POGLUT1: variants seen among roughly 807,000 people sequenced by gnomAD.
POGLUT1 encodes the protein protein O-glucosyltransferase 1.
Under a neutral mutation model 61.3 loss-of-function variants are expected in POGLUT1, and 32 were observed. The observed-to-expected ratio is 0.52, with a 90% confidence interval of 0.39 to 0.70. The LOEUF (loss-of-function observed/expected upper bound fraction) is 0.70. Among genes scored for constraint, POGLUT1 ranks in the 30% least tolerant of loss-of-function variants. The probability of loss-of-function intolerance (pLI) is 0.00; values close to 1 mark genes in which losing one functional copy is unlikely to be tolerated. For missense variants in POGLUT1, 411 were observed against 469.8 expected, an observed-to-expected ratio of 0.87 and a Z score of 1.16; for synonymous variants, 158 against 158.2, an observed-to-expected ratio of 1.00 and a Z score of 0.01.
intron 3 of POGLUT1, among the ~76,000 whole-genome samples, chr3:119,475,662 A>G (rs1163400780): frequency 1.3e-5 from 2 of 152,026 alleles, no homozygotes; most frequent in Non-Finnish European, 2.9e-5. Flanking sequence ...AAAATAAAAA[A>G]ATTAGCTGGG....
At chr3:119,491,998 G>C (rs1025257367) in intron 10 of POGLUT1, among the ~76,000 whole-genome samples, 1 of 152,098 alleles carries the variant, frequency 6.6e-6, no homozygotes, top group African/African-American at 2.4e-5. Flanking sequence ...AGGTTGCAGT[G>C]AGCCAAGATC....
At chr3:119,471,080 A>G (rs1213018779) in intron 2 of POGLUT1, among the ~76,000 whole-genome samples, 2 of 152,212 alleles carry the variant, frequency 1.3e-5, no homozygotes, top group Non-Finnish European at 2.9e-5. Context: ...ATCCAGATGG[A>G]AGGAGGAAGA....
At chr3:119,476,820 T>C (rs1236259595) in intron 3 of POGLUT1, among the ~76,000 whole-genome samples, 1 of 152,224 alleles carries the variant, frequency 6.6e-6, no homozygotes, top group Non-Finnish European at 1.5e-5. Context: ...TTATTCAGGT[T>C]GAAGGTAATG....
At position 119,471,582 on chromosome 3, in the gene POGLUT1, G is replaced by A. The variant is rs528639448; in HGVS notation, c.320+130G>A. On this transcript the variant is annotated intron_variant, in intron 3 of 10. Coordinates refer to ENST00000295588, the MANE Select transcript of POGLUT1 (RefSeq NM_152305.3). Reference sequence around the variant, plus strand: ...CACATTTCAGGCGGACTATGAAATAGTGACGAGCTCTTCTCCTTGCCTGGG... The same window carrying A: ...CACATTTCAGGCGGACTATGAAATAATGACGAGCTCTTCTCCTTGCCTGGG... 4.7e-6 allele frequency: 4 copies of A among 847,184 alleles called. No homozygotes were observed. The South Asian group carries it at 5.7e-5, about 12-fold the overall frequency. 52.5% of individuals were successfully genotyped at this position (847,184 alleles called of 1,614,324 possible).
At chr3:119,484,218 C>T (rs948213055) in intron 5 of POGLUT1, among the ~76,000 whole-genome samples, 6 of 152,218 alleles carry the variant, frequency 3.9e-5, no homozygotes, top group Admixed American at 1.3e-4. Context: ...TACTGAGCAG[C>T]GTTCTCAGCT....
chr3:119,480,044 G>C lies in POGLUT1; in HGVS notation c.457-7G>C. The stretch of plus-strand genomic sequence containing the variant: ...GATTTAGGACGACCTGTCTGTTTTT[G>C]TTGAAGACATCAGAGTACCATGATA... On this transcript the variant is annotated splice_region_variant and splice_polypyrimidine_tract_variant and intron_variant, in intron 4 of 10. Coordinates refer to ENST00000295588, the MANE Select transcript of POGLUT1 (RefSeq NM_152305.3). 1.2e-6 allele frequency: 2 copies of C among 1,613,164 alleles called. No homozygotes were observed. Among genetic ancestry groups the C allele is most frequent in the South Asian group, 1.1e-5 (1 of 90,810 alleles).
At chr3:119,479,742 G>C (rs963262858) in intron 4 of POGLUT1, among the ~76,000 whole-genome samples, 4 of 152,122 alleles carry the variant, frequency 2.6e-5, no homozygotes, top group African/African-American at 9.7e-5. Context: ...ATTCAGAATT[G>C]GGCATATTGT....
chr3:119,484,299 G>A (rs143098087), intron 5 of POGLUT1, among the ~76,000 whole-genome samples: 221 of 152,260 alleles, frequency 1.5e-3, no homozygotes, highest in Middle Eastern at 0.01. Context: ...TATATCCTAA[G>A]TTTCTCCGTT....
chr3:119,479,134 T>C (rs145330251), intron 4 of POGLUT1, among the ~76,000 whole-genome samples: 2 of 152,098 alleles, frequency 1.3e-5, no homozygotes, highest in East Asian at 3.9e-4. Context: ...TTCACCATGT[T>C]GACCAGGCTG....
chr3:119,469,696 T>G, intron 1 of POGLUT1, 124 bp from the exon 2 acceptor site: 2 of 623,534 alleles, frequency 3.2e-6, no homozygotes, highest in Non-Finnish European at 5.7e-6. Flanking sequence ...GCGTTTCGTT[T>G]CCATCAGTGG....
intron 7 of POGLUT1, 188 bp downstream of exon 7, chr3:119,487,120 T>A (rs143828994): frequency 3.4e-6 from 2 of 592,058 alleles, no homozygotes; most frequent in African/African-American, 3.7e-5. Context: ...TTTCTGGCCA[T>A]ATTATGACTA....
rs777880478 is a variant in POGLUT1 at position 119,471,464 on chromosome 3, C to A, written c.320+12C>A. The A allele has an allele frequency of 1.2e-6, 2 of 1,612,322 alleles. No homozygotes were observed. Among genetic ancestry groups the A allele is most frequent in the Non-Finnish European group, 1.7e-6 (2 of 1,178,774 alleles). On this transcript the variant is annotated intron_variant, in intron 3 of 10. Transcript: ENST00000295588. ...ATGTTCCCCTCAAGGTAAGAGTTAA[C>A]GAGGTAGATATATCTTCTGACTTTA... is the stretch of plus-strand genomic sequence containing the variant.
intron 6 of POGLUT1, 69 bp downstream of exon 6, chr3:119,485,456 G>A: frequency 9.8e-7 from 1 of 1,019,508 alleles, no homozygotes. Context: ...AACTTTGAGG[G>A]TATGACAAGC....
In POGLUT1 at chr3:119,480,310, G is replaced by A. The variant is rs58639515; in HGVS notation, c.578+138G>A. ...TTTGCCCAGGCTAGAGTGCAATGGC[G>A]TGATCTCAGCTCACCGCAACCTCCG... On this transcript the variant is annotated intron_variant, in intron 5 of 10. Coordinates refer to ENST00000295588, the MANE Select transcript of POGLUT1 (RefSeq NM_152305.3). 29,138 of 549,508 alleles carry A rather than the reference G, an allele frequency of 0.053. 3,356 individuals carry two copies. Among genetic ancestry groups the A allele is most frequent in the African/African-American group, 0.35 (17,353 of 49,186 alleles). 34.0% of individuals were successfully genotyped at this position (549,508 alleles called of 1,614,324 possible).
At chr3:119,480,803 A>G (rs1306297242) in intron 5 of POGLUT1, among the ~76,000 whole-genome samples, 2 of 144,326 alleles carry the variant, frequency 1.4e-5, no homozygotes, top group Non-Finnish European at 3.0e-5. Flanking sequence ...CAGTGGTGCT[A>G]TCGCGGCTCA....
rs778252006 is a variant in POGLUT1 at position 119,492,385 on chromosome 3, A to G, written c.1126A>G (p.Arg376Gly). 1 of 1,607,706 alleles carries G rather than the reference A, an allele frequency of 6.2e-7. No individual in the cohort carries two copies. Among genetic ancestry groups the G allele is most frequent in the East Asian group, 2.2e-5 (1 of 44,508 alleles). ...YSKFLSYNVT[R>G]RKGYDQIIPK... is the part of the protein sequence containing the mutation. Reference sequence around the variant, plus strand: ...TAAATTCCTGTCTTATAATGTAACGAGAAGGAAAGGTTATGATCAAATTAT... The same window carrying G: ...TAAATTCCTGTCTTATAATGTAACGGGAAGGAAAGGTTATGATCAAATTAT... Residue 376 changes from arginine to glycine, a missense_variant, in exon 11 of 11, where the codon AGA becomes GGA. By Grantham distance (125) the Arg-to-Gly change is moderately radical. Transcript: ENST00000295588.
intron 6 of POGLUT1, 150 bp from the exon 7 acceptor site, chr3:119,486,683 G>A: frequency 1.4e-6 from 1 of 697,004 alleles, no homozygotes; most frequent in South Asian, 1.6e-5. Context: ...GCAGTACCCA[G>A]TATACCCCTC....
intron 2 of POGLUT1, 150 bp downstream of exon 2, chr3:119,470,060 G>A (rs915846974): frequency 3.2e-6 from 2 of 622,422 alleles, no homozygotes; most frequent in Admixed American, 2.8e-5. Flanking sequence ...CATGGGAAAG[G>A]CTCAGGTGGT....
In POGLUT1 at chr3:119,486,936, A is replaced by G; in HGVS notation, c.738+4A>G. On this transcript the variant is annotated splice_donor_region_variant and intron_variant, in intron 7 of 10. Transcript: ENST00000295588. ...CCAGGCCTGGAAATCTATGAAAGTAATCACCAGTCATCTGACTAGAACTAC... is the reference window on the plus strand; with the variant it reads ...CCAGGCCTGGAAATCTATGAAAGTAGTCACCAGTCATCTGACTAGAACTAC... 7 of 1,546,458 alleles carry G rather than the reference A, an allele frequency of 4.5e-6. No homozygotes were observed. The highest frequency in any genetic ancestry group is 5.4e-6 in the Non-Finnish European group (6 of 1,118,474).
Sources: allele counts gnomAD v4.1 joint callset (sites outside exome capture counted in the v4.1 genomes callset), GRCh38; gene constraint gnomAD v4.1.1; transcripts MANE v1.5; gene names NCBI Gene and HGNC (gene_info 2026-07-23, HGNC 2026-07-21).